COLEC10: variants seen among roughly 807,000 people sequenced by gnomAD.
COLEC10 encodes collectin-10.
Under a neutral mutation model 28.4 loss-of-function variants are expected in COLEC10, and 22 were observed. The observed-to-expected ratio is 0.78, with a 90% CI of 0.55 to 1.11. The LOEUF (loss-of-function observed/expected upper bound fraction) is 1.11. Ranked by LOEUF, COLEC10 falls within the 50% of genes least tolerant of loss-of-function variation. The pLI, the probability that COLEC10 is intolerant of heterozygous loss-of-function variation, is 0.00. For missense variants in COLEC10, 361 were observed against 344.1 expected (o/e 1.05, Z -0.39); for synonymous variants, 125 against 116.1 (o/e 1.08, Z -0.49).
intron 2 of COLEC10, among the ~76,000 whole-genome samples, chr8:119,012,464 G>A (rs530823380): frequency 1.4e-4 from 21 of 150,530 alleles, no homozygotes; most frequent in Admixed American, 1.1e-3. Flanking sequence ...TTTAGTGTTA[G>A]GGTAATGCTA....
At chr8:119,056,805 A>T (rs1480727299) in intron 2 of COLEC10, among the ~76,000 whole-genome samples, 11 of 151,980 alleles carry the variant, frequency 7.2e-5, no homozygotes, top group Admixed American at 7.2e-4. Flanking sequence ...GATTGCCCTT[A>T]TGATAGTTCC....
chr8:119,065,864 A>AAAG (rs1460367682), upstream of COLEC10, among the ~76,000 whole-genome samples: 2 of 151,720 alleles, frequency 1.3e-5, no homozygotes, highest in East Asian at 3.9e-4. Context: ...TCAAAAAAAA[A>AAAG]AAAGAAAAAA....
chr8:119,000,711 T>C (rs1334385821), intron 1 of COLEC10, among the ~76,000 whole-genome samples: 1 of 152,278 alleles, frequency 6.6e-6, no homozygotes, highest in East Asian at 1.9e-4. Context: ...GTATGTAAAC[T>C]GGAATAATGT....
chr8:118,962,935 T>G, the COLEC10 span, among the ~76,000 whole-genome samples: 53 of 152,350 alleles, frequency 3.5e-4, no homozygotes, highest in Admixed American at 1.8e-3. Flanking sequence ...AAGAACCTTC[T>G]AAGTGCCAGG....
the COLEC10 span, among the ~76,000 whole-genome samples, chr8:118,981,825 T>C: frequency 1.3e-5 from 2 of 152,134 alleles, no homozygotes; most frequent in Non-Finnish European, 2.9e-5. Context: ...ACATTTAAGA[T>C]TGATTAAACC....
intron 1 of COLEC10, among the ~76,000 whole-genome samples, chr8:119,070,802 TA>T (rs566689805): frequency 4.1e-4 from 62 of 152,214 alleles, no homozygotes; most frequent in African/African-American, 1.3e-3. Flanking sequence ...CAAAACATGT[TA>T]AAAAATGATT....
chr8:119,039,402 C>T (rs1814453490), intron 2 of COLEC10, among the ~76,000 whole-genome samples: 4 of 152,156 alleles, frequency 2.6e-5, no homozygotes, highest in Admixed American at 2.6e-4. Context: ...CTGTCTTCCT[C>T]CACCAGACTG....
chr8:119,064,963 T>A (rs144997619), upstream of COLEC10, among the ~76,000 whole-genome samples: 12 of 152,292 alleles, frequency 7.9e-5, no homozygotes, highest in East Asian at 5.8e-4. Flanking sequence ...GCTCTCAGCC[T>A]GTATATAATG....
At chr8:119,067,650 G>A (rs954790714) in intron 1 of COLEC10, 1 of 484,476 alleles carries the variant, frequency 2.1e-6, no homozygotes. Flanking sequence ...GGGAAACCCA[G>A]GACGGAGATC....
At chr8:118,993,174 A>G (rs1235966844), upstream of COLEC10, among the ~76,000 whole-genome samples, 1 of 152,154 alleles carries the variant, frequency 6.6e-6, no homozygotes, top group Non-Finnish European at 1.5e-5. Flanking sequence ...AGTACCACAG[A>G]TTGGGTGGCT....
intron 1 of COLEC10, among the ~76,000 whole-genome samples, chr8:118,998,846 C>CAA (rs567463648): frequency 0.1 from 7,910 of 76,470 alleles, 610 homozygotes; most frequent in East Asian, 0.18. Flanking sequence ...GACTCCGTCT[C>CAA]AAAAAAAAAA....
At chr8:118,960,458 G>A in the COLEC10 span, among the ~76,000 whole-genome samples, 4 of 152,100 alleles carry the variant, frequency 2.6e-5, no homozygotes, top group East Asian at 1.9e-4. Flanking sequence ...GGGAGCCATT[G>A]TAAATCTCAT....
rs114140574 is a variant in COLEC10, at chr8:119,084,179, A to G, written c.149-5501A>G. On this transcript the variant is annotated intron_variant, in intron 1 of 5. Coordinates refer to ENST00000332843, the MANE Select transcript of COLEC10 (RefSeq NM_006438.5). Reference sequence around the variant, plus strand: ...AGCCACCCCCAGGATGGGAGACTCTAGAACAGGTAAGCACTCTAGTTATTT... The same window carrying G: ...AGCCACCCCCAGGATGGGAGACTCTGGAACAGGTAAGCACTCTAGTTATTT... 8.6e-3 allele frequency among the ~76,000 whole-genome samples: 1,310 copies of G among 152,336 alleles called. 18 individuals are homozygous for G. The highest frequency in any genetic ancestry group is 0.03 in the African/African-American group (1,244 of 41,582).
chr8:119,009,264 G>A (rs1813862075), intron 1 of COLEC10, among the ~76,000 whole-genome samples: 1 of 150,918 alleles, frequency 6.6e-6, no homozygotes, highest in East Asian at 1.9e-4. Context: ...CAACACTTAT[G>A]TTGAACCTTG....
At chr8:119,055,931 TTCTAATCTGTACC>T (rs1351768902) in intron 2 of COLEC10, among the ~76,000 whole-genome samples, 5 of 152,184 alleles carry the variant, frequency 3.3e-5, no homozygotes, top group East Asian at 3.9e-4. Flanking sequence ...GTAGATGACT[TTCTAATCTGTACC>T]TCTGGCTGGA....
intron 1 of COLEC10, chr8:119,009,416 C>T (rs1219151753): frequency 1.3e-5 from 2 of 150,714 alleles, no homozygotes; most frequent in East Asian, 3.9e-4. Context: ...TAAGACAAGG[C>T]TCTTCTGCTT....
At chr8:118,966,231 A>G in the COLEC10 span, among the ~76,000 whole-genome samples, 1,532 of 152,246 alleles carry the variant, frequency 0.01, 13 homozygotes, top group South Asian at 0.022. Flanking sequence ...TATACATGGA[A>G]AGTCACAAGA....
chr8:119,084,425 T>C (rs1815429401), intron 1 of COLEC10, among the ~76,000 whole-genome samples: 1 of 152,216 alleles, frequency 6.6e-6, no homozygotes, highest in East Asian at 1.9e-4. Context: ...TCCAAGTCAG[T>C]TTCTTGATCT....
chr8:119,062,415 C>T (rs1488322213), upstream of COLEC10, among the ~76,000 whole-genome samples: 1 of 151,930 alleles, frequency 6.6e-6, no homozygotes, highest in Non-Finnish European at 1.5e-5. Context: ...GATTTTGTCT[C>T]ATAAGCCTGT....
Sources: gnomAD v4.1 joint callset for allele counts (sites outside exome capture counted in the v4.1 genomes callset) on GRCh38, gnomAD v4.1.1 for gene constraint, MANE v1.5 for transcripts, NCBI Gene and HGNC (gene_info 2026-07-23, HGNC 2026-07-21) for gene names.